The following MAML3 variants were observed in gnomAD, a reference collection of about 807,000 sequenced individuals.
MAML3 encodes mastermind like transcriptional coactivator 3.
In MAML3, 27 loss-of-function variants were observed where a neutral mutation model predicts 101.9. The observed-to-expected ratio is 0.27, with a 90% CI of 0.20 to 0.37. The LOEUF is 0.37. MAML3 is among the 10% of genes least tolerant of loss of function. The pLI, the probability that MAML3 is intolerant of heterozygous loss-of-function variation, is 1.00. For missense variants in MAML3, 1,316 were observed against 1,444.9 expected, an observed-to-expected ratio of 0.91 and a Z score of 1.45; for synonymous variants, 501 against 555.9, an observed-to-expected ratio of 0.90 and a Z score of 1.39.
At chr4:139,992,670 G>A (rs767969546) in intron 1 of MAML3, among the ~76,000 whole-genome samples, 4 of 152,070 alleles carry the variant, frequency 2.6e-5, no homozygotes, top group Non-Finnish European at 5.9e-5. Flanking sequence ...TGATCCTTCT[G>A]CCTCAGCCTC....
intron 1 of MAML3, among the ~76,000 whole-genome samples, chr4:140,151,248 G>C (rs904664854): frequency 8.5e-5 from 13 of 152,084 alleles, no homozygotes; most frequent in Admixed American, 7.8e-4. Flanking sequence ...GAGGGAAGGT[G>C]CTGCCGGCGG....
chr4:140,138,418 C>G lies in MAML3; in HGVS notation c.468+14442G>C, dbSNP rs73857945. 3.8e-3 allele frequency among the ~76,000 whole-genome samples: 586 copies of G among 152,314 alleles called. 1 individual carries two copies. The highest frequency in any genetic ancestry group is 0.013 in the African/African-American group (535 of 41,564). On this transcript the variant is annotated intron_variant, in intron 1 of 4. Coordinates refer to ENST00000509479, the MANE Select transcript of MAML3 (RefSeq NM_018717.5). ...CTAGTTAAACTGCAAAATACATTTTCAACCATTTAGCCATAACAACTTCTA... is the reference window on the plus strand; with the variant it reads ...CTAGTTAAACTGCAAAATACATTTTGAACCATTTAGCCATAACAACTTCTA...
At chr4:139,996,248 T>C (rs1734810371) in intron 1 of MAML3, among the ~76,000 whole-genome samples, 1 of 152,190 alleles carries the variant, frequency 6.6e-6, no homozygotes, top group African/African-American at 2.4e-5. Context: ...TTGTTCTATG[T>C]ATGTCAGTTA....
At chr4:139,982,607 G>T (rs1475277009) in intron 1 of MAML3, among the ~76,000 whole-genome samples, 1 of 152,046 alleles carries the variant, frequency 6.6e-6, no homozygotes, top group African/African-American at 2.4e-5. Flanking sequence ...AGATACTTTA[G>T]CATATGATAG....
At chr4:139,726,919 C>T (rs74872367) in intron 3 of MAML3, among the ~76,000 whole-genome samples, 3,478 of 152,246 alleles carry the variant, frequency 0.023, 68 homozygotes, top group Middle Eastern at 0.044. Context: ...CTAGGTCTGC[C>T]GTCAAGTAGC....
At chr4:140,032,032 A>C (rs1352052649) in intron 1 of MAML3, among the ~76,000 whole-genome samples, 1 of 152,216 alleles carries the variant, frequency 6.6e-6, no homozygotes, top group African/African-American at 2.4e-5. Flanking sequence ...TAAATAAATC[A>C]AAATTTTTCC....
At chr4:140,033,063 C>T (rs1560872381) in intron 1 of MAML3, among the ~76,000 whole-genome samples, 1 of 152,118 alleles carries the variant, frequency 6.6e-6, no homozygotes, top group South Asian at 2.1e-4. Flanking sequence ...GAGCATGAGT[C>T]TGTTTTGGAA....
chr4:140,002,090 C>T (rs567916018), intron 1 of MAML3, among the ~76,000 whole-genome samples: 6 of 152,094 alleles, frequency 3.9e-5, no homozygotes, highest in Non-Finnish European at 8.8e-5. Context: ...TACTCTTAGC[C>T]ATTTTCACGT....
intron 1 of MAML3, among the ~76,000 whole-genome samples, chr4:140,122,284 C>T (rs1017644179): frequency 2.3e-4 from 34 of 148,722 alleles, no homozygotes; most frequent in African/African-American, 8.0e-4. Context: ...TGCAATAGCG[C>T]AATCTCGGCT....
At chr4:139,779,771 A>G (rs1203859242) in intron 2 of MAML3, among the ~76,000 whole-genome samples, 1 of 152,226 alleles carries the variant, frequency 6.6e-6, no homozygotes, top group Admixed American at 6.5e-5. Context: ...CTTTTTGGAA[A>G]ATAAAAGTCA....
intron 1 of MAML3, among the ~76,000 whole-genome samples, chr4:139,928,759 T>C (rs980610978): frequency 2.0e-5 from 3 of 152,080 alleles, no homozygotes; most frequent in Non-Finnish European, 2.9e-5. Flanking sequence ...TGCAGTGGAA[T>C]GTGGCCTTGT....
intron 2 of MAML3, among the ~76,000 whole-genome samples, chr4:139,805,921 T>G (rs1250265715): frequency 6.6e-6 from 1 of 152,112 alleles, no homozygotes; most frequent in Non-Finnish European, 1.5e-5. Context: ...GAATTCATTA[T>G]CTGTTAAAAA....
chr4:140,073,303 A>C (rs113106694), intron 1 of MAML3, among the ~76,000 whole-genome samples: 196 of 152,112 alleles, frequency 1.3e-3, no homozygotes, highest in African/African-American at 4.4e-3. Context: ...ATGCCCGGCT[A>C]ATTTTTGTAT....
chr4:140,093,098 ATGT>A (rs1281293412), intron 1 of MAML3, among the ~76,000 whole-genome samples: 2 of 152,318 alleles, frequency 1.3e-5, no homozygotes, highest in South Asian at 2.1e-4. Flanking sequence ...TCCAGGCACG[ATGT>A]TGTTCACCCA....
intron 2 of MAML3, among the ~76,000 whole-genome samples, chr4:139,808,371 C>T (rs939348939): frequency 1.3e-5 from 2 of 152,244 alleles, no homozygotes; most frequent in African/African-American, 2.4e-5. Flanking sequence ...GGCCTGTGGC[C>T]AACCGCTGCA....
chr4:139,879,525 G>GAA lies in MAML3; in HGVS notation c.2079+9830_2079+9831dup, dbSNP rs5862443. ...TGGGTGACAAAGTGAGGCTCTGACT[G>GAA]AAAAAAAAAAAAAAAGAAAAGAAAA... is the stretch of plus-strand genomic sequence containing the variant. On this transcript the variant is annotated intron_variant, in intron 2 of 4. Coordinates refer to ENST00000509479, the MANE Select transcript of MAML3 (RefSeq NM_018717.5). Among the ~76,000 whole-genome samples the GAA allele has an allele frequency of 8.1e-3, 934 of 115,574 alleles. 11 individuals carry two copies. The highest frequency in any genetic ancestry group is 0.028 in the African/African-American group (793 of 28,540). The allele number at this position is 115,574 out of a possible 152,430, so 75.8% of individuals were successfully genotyped here.
chr4:139,866,406 G>C (rs1342837301), intron 2 of MAML3, among the ~76,000 whole-genome samples: 1 of 152,178 alleles, frequency 6.6e-6, no homozygotes, highest in Non-Finnish European at 1.5e-5. Flanking sequence ...CTTCAGTGTG[G>C]CTGAGTGCCT....
chr4:140,070,940 T>C (rs1017036655), intron 1 of MAML3, among the ~76,000 whole-genome samples: 2 of 152,198 alleles, frequency 1.3e-5, no homozygotes, highest in African/African-American at 4.8e-5. Flanking sequence ...GGTCTGGCCT[T>C]GCAGCCACCT....
intron 1 of MAML3, among the ~76,000 whole-genome samples, chr4:139,975,706 G>A (rs1395377272): frequency 6.6e-6 from 1 of 152,108 alleles, no homozygotes; most frequent in African/African-American, 2.4e-5. Context: ...AGTGAATGAA[G>A]GCATGAATAT....
Sources: gnomAD v4.1 joint callset for allele counts (sites outside exome capture counted in the v4.1 genomes callset) on GRCh38, gnomAD v4.1.1 for gene constraint, MANE v1.5 for transcripts, NCBI Gene and HGNC (gene_info 2026-07-23, HGNC 2026-07-21) for gene names.